The following LRRC4C variants were observed in gnomAD, a reference collection of about 807,000 sequenced individuals.
LRRC4C encodes leucine-rich repeat-containing protein 4C.
In LRRC4C, 5 loss-of-function variants were observed where a neutral mutation model predicts 33.6. That is an observed-to-expected ratio of 0.15 (90% CI 0.08 to 0.31). LRRC4C has a LOEUF of 0.31. Among genes scored for constraint, LRRC4C ranks in the 10% least tolerant of loss-of-function variants. The pLI is 1.00. For synonymous variants in LRRC4C, 329 were observed against 302.0 expected, an observed-to-expected ratio of 1.09 and a Z score of -0.93; for missense variants, 560 against 796.7, an observed-to-expected ratio of 0.70 and a Z score of 3.58.
intron 2 of LRRC4C, among the ~76,000 whole-genome samples, chr11:40,778,607 T>G (rs1262517261): frequency 6.6e-6 from 1 of 152,070 alleles, no homozygotes; most frequent in Non-Finnish European, 1.5e-5. Flanking sequence ...ATTCTTGAGT[T>G]AGTGAGATAG....
intron 1 of LRRC4C, among the ~76,000 whole-genome samples, chr11:41,378,325 T>C (rs1031834460): frequency 7.9e-5 from 12 of 152,160 alleles, no homozygotes; most frequent in Non-Finnish European, 2.9e-5. Context: ...TGTAAATTAT[T>C]TTATTTCCAT....
At chr11:41,451,054 T>C (rs1307373442) in intron 1 of LRRC4C, among the ~76,000 whole-genome samples, 10 of 152,222 alleles carry the variant, frequency 6.6e-5, no homozygotes, top group African/African-American at 2.4e-4. Flanking sequence ...TCAACAATAA[T>C]ATAGGAACAC....
At chr11:40,563,337 A>G (rs1050040674) in intron 3 of LRRC4C, among the ~76,000 whole-genome samples, 3 of 152,088 alleles carry the variant, frequency 2.0e-5, no homozygotes, top group African/African-American at 7.2e-5. Context: ...TAATGATTAC[A>G]CTGTTGGTAA....
intron 1 of LRRC4C, among the ~76,000 whole-genome samples, chr11:41,362,025 C>A (rs965391420): frequency 1.1e-4 from 17 of 152,166 alleles, no homozygotes; most frequent in African/African-American, 4.1e-4. Flanking sequence ...TCTTTTATTT[C>A]TAACAGCATT....
At chr11:41,230,336 G>C (rs954136759) in intron 1 of LRRC4C, among the ~76,000 whole-genome samples, 5 of 152,012 alleles carry the variant, frequency 3.3e-5, no homozygotes, top group Admixed American at 6.6e-5. Flanking sequence ...CTTGGAATGA[G>C]GCACTGTCAT....
At chr11:41,001,099 A>T (rs550579188) in intron 1 of LRRC4C, among the ~76,000 whole-genome samples, 1 of 152,156 alleles carries the variant, frequency 6.6e-6, no homozygotes, top group Admixed American at 6.6e-5. Context: ...CCTGGTACAA[A>T]GGAGGTGCCC....
intron 3 of LRRC4C, among the ~76,000 whole-genome samples, chr11:40,573,065 A>T (rs1284053616): frequency 6.6e-6 from 1 of 152,168 alleles, no homozygotes; most frequent in Admixed American, 6.5e-5. Flanking sequence ...GATAAAATAA[A>T]TTATTTCAAA....
At chr11:41,123,482 C>T (rs1450234281) in intron 1 of LRRC4C, among the ~76,000 whole-genome samples, 5 of 150,622 alleles carry the variant, frequency 3.3e-5, no homozygotes, top group Admixed American at 1.3e-4. Flanking sequence ...CCGTTTTAGC[C>T]GGGATGGTCT....
chr11:40,897,199 G>A (rs1955986382), intron 2 of LRRC4C, among the ~76,000 whole-genome samples: 1 of 152,168 alleles, frequency 6.6e-6, no homozygotes, highest in African/African-American at 2.4e-5. Context: ...TGATGAGAAA[G>A]AATACTCAGT....
intron 3 of LRRC4C, among the ~76,000 whole-genome samples, chr11:40,481,323 A>G (rs1953551707): frequency 6.6e-6 from 1 of 152,124 alleles, no homozygotes; most frequent in African/African-American, 2.4e-5. Flanking sequence ...CAATATAGTC[A>G]TCTTTCTATC....
At chr11:40,649,838 C>T (rs1417101447) in intron 2 of LRRC4C, among the ~76,000 whole-genome samples, 1 of 152,180 alleles carries the variant, frequency 6.6e-6, no homozygotes, top group Non-Finnish European at 1.5e-5. Context: ...TTATGTTCCT[C>T]TGCCACAGCT....
intron 3 of LRRC4C, among the ~76,000 whole-genome samples, chr11:40,397,352 T>C (rs1009961910): frequency 3.3e-5 from 5 of 152,056 alleles, no homozygotes; most frequent in African/African-American, 1.2e-4. Flanking sequence ...TTGCTGGCAG[T>C]CATCCTAGAC....
chr11:41,399,360 G>A (rs1325994577), intron 1 of LRRC4C, among the ~76,000 whole-genome samples: 1 of 151,926 alleles, frequency 6.6e-6, no homozygotes, highest in East Asian at 1.9e-4. Context: ...TGACTGGTGA[G>A]GAAAGAAGGT....
At chr11:40,812,420 G>T (rs1180248880) in intron 2 of LRRC4C, among the ~76,000 whole-genome samples, 2 of 152,232 alleles carry the variant, frequency 1.3e-5, no homozygotes, top group East Asian at 3.9e-4. Flanking sequence ...ATTAATAATA[G>T]AAATGATAAT....
intron 2 of LRRC4C, among the ~76,000 whole-genome samples, chr11:40,888,735 T>C (rs1200870936): frequency 1.3e-5 from 2 of 152,166 alleles, no homozygotes; most frequent in Admixed American, 6.5e-5. Flanking sequence ...ATATGGTAAC[T>C]GTTTATAATG....
chr11:40,431,683 T>C (rs953571937), intron 3 of LRRC4C, among the ~76,000 whole-genome samples: 2 of 152,174 alleles, frequency 1.3e-5, no homozygotes, highest in African/African-American at 4.8e-5. Flanking sequence ...CTAAGAACCA[T>C]ATTAAATACT....
chr11:41,167,979 G>A (rs1346672336), intron 1 of LRRC4C, among the ~76,000 whole-genome samples: 3 of 152,186 alleles, frequency 2.0e-5, no homozygotes, highest in Non-Finnish European at 4.4e-5. Context: ...CCAATGGTCA[G>A]GACAGTGGCC....
chr11:40,685,763 A>T (rs1944922293), intron 2 of LRRC4C, among the ~76,000 whole-genome samples: 1 of 152,036 alleles, frequency 6.6e-6, no homozygotes. Context: ...TACACATAAG[A>T]GTTAAAAGAC....
At chr11:40,841,621 G>C (rs1952918471) in intron 2 of LRRC4C, among the ~76,000 whole-genome samples, 1 of 152,206 alleles carries the variant, frequency 6.6e-6, no homozygotes, top group Admixed American at 6.5e-5. Flanking sequence ...TGAATCTGCT[G>C]TCACTGTGAT....
Sources: gnomAD v4.1 joint callset for allele counts (sites outside exome capture counted in the v4.1 genomes callset) on GRCh38, gnomAD v4.1.1 for gene constraint, MANE v1.5 for transcripts, NCBI Gene and HGNC (gene_info 2026-07-23, HGNC 2026-07-21) for gene names.